IGSF10: variants seen among roughly 807,000 people sequenced by gnomAD.
IGSF10 encodes the protein immunoglobulin superfamily member 10, also known as calvaria mechanical force protein 608.
In IGSF10, 126 loss-of-function variants were observed where a neutral mutation model predicts 128.2. That is an observed-to-expected ratio of 0.98 (90% CI 0.85 to 1.14). IGSF10 has a LOEUF of 1.14. IGSF10 is among the 50% of genes most tolerant of loss of function. The pLI is 0.00. For missense variants in IGSF10, 3,295 were observed against 3,149.8 expected, an observed-to-expected ratio of 1.05 and a Z score of -1.10; for synonymous variants, 1,185 against 1,146.2, an observed-to-expected ratio of 1.03 and a Z score of -0.68.
the IGSF10 span, among the ~76,000 whole-genome samples, chr3:151,607,753 TA>T: frequency 9.3e-5 from 14 of 150,446 alleles, no homozygotes; most frequent in African/African-American, 3.2e-4. Flanking sequence ...CTACTAAAAA[TA>T]CAAAAAATTA....
At chr3:151,485,192 A>C in the IGSF10 span, among the ~76,000 whole-genome samples, 1 of 152,308 alleles carries the variant, frequency 6.6e-6, no homozygotes, top group South Asian at 2.1e-4. Flanking sequence ...AAGTGGAAGA[A>C]AGGATATCAG....
Position 151,436,440 on chromosome 3 carries a change from T to C in IGSF10, c.*249A>G. 1 of 357,844 alleles carries C rather than the reference T, an allele frequency of 2.8e-6. No homozygotes were observed. The highest frequency in any genetic ancestry group is 5.0e-6 in the Non-Finnish European group (1 of 198,756). The allele number at this position is 357,844 out of a possible 1,614,324, so 22.2% of individuals were successfully genotyped here. Reference sequence around the variant, plus strand: ...TATTTTATAGTGAACCGTTTCAATGTTTGTTTATTGTTATTTGTTGGCAAA... The same window carrying C: ...TATTTTATAGTGAACCGTTTCAATGCTTGTTTATTGTTATTTGTTGGCAAA... On this transcript the variant is annotated 3_prime_UTR_variant, in exon 8 of 8. Coordinates refer to ENST00000282466, the MANE Select transcript of IGSF10 (RefSeq NM_178822.5).
the IGSF10 span, among the ~76,000 whole-genome samples, chr3:151,558,595 C>A: frequency 2.0e-5 from 3 of 151,860 alleles, no homozygotes; most frequent in East Asian, 3.9e-4. Context: ...CTCACTGCAA[C>A]CTCAGCCTCC....
At chr3:151,495,909 A>G in the IGSF10 span, among the ~76,000 whole-genome samples, 1 of 152,100 alleles carries the variant, frequency 6.6e-6, no homozygotes, top group Non-Finnish European at 1.5e-5. Context: ...ATTTTCTTCT[A>G]CTGATATTAA....
the IGSF10 span, among the ~76,000 whole-genome samples, chr3:151,492,157 A>G: frequency 6.0e-4 from 91 of 152,346 alleles, no homozygotes; most frequent in Admixed American, 5.2e-4. Flanking sequence ...TTGTAACTCA[A>G]TAACAGAAAA....
chr3:151,516,141 G>A, the IGSF10 span, among the ~76,000 whole-genome samples: 1 of 151,890 alleles, frequency 6.6e-6, no homozygotes, highest in Non-Finnish European at 1.5e-5. Flanking sequence ...AGAACTTCAG[G>A]ACCTTGAACC....
chr3:151,551,387 C>A, the IGSF10 span, among the ~76,000 whole-genome samples: 1 of 152,064 alleles, frequency 6.6e-6, no homozygotes, highest in African/African-American at 2.4e-5. Flanking sequence ...GTCAGCCCTG[C>A]AGAATCTATG....
chr3:151,516,249 C>A, the IGSF10 span, among the ~76,000 whole-genome samples: 1 of 152,000 alleles, frequency 6.6e-6, no homozygotes, highest in African/African-American at 2.4e-5. Context: ...GGAAGTTTCT[C>A]CCTGGAAGAT....
the IGSF10 span, among the ~76,000 whole-genome samples, chr3:151,482,075 T>C: frequency 1.7e-4 from 26 of 152,062 alleles, no homozygotes; most frequent in South Asian, 6.2e-4. Flanking sequence ...ATCAATAAAA[T>C]TTGGAATAGC....
At chr3:151,541,158 A>T in the IGSF10 span, among the ~76,000 whole-genome samples, 2 of 152,196 alleles carry the variant, frequency 1.3e-5, no homozygotes, top group Non-Finnish European at 2.9e-5. Context: ...ATTACATCTG[A>T]TGTGATTAGC....
the IGSF10 span, among the ~76,000 whole-genome samples, chr3:151,526,856 T>C: frequency 6.6e-6 from 1 of 152,196 alleles, no homozygotes; most frequent in Non-Finnish European, 1.5e-5. Flanking sequence ...ATCAGGTGCT[T>C]GGGCAGAATG....
At chr3:151,518,141 G>A in the IGSF10 span, among the ~76,000 whole-genome samples, 1 of 151,984 alleles carries the variant, frequency 6.6e-6, no homozygotes, top group Non-Finnish European at 1.5e-5. Context: ...TCTGTACATT[G>A]TGAACTATAA....
At chr3:151,440,453 C>T in intron 7 of IGSF10, 1 of 402,430 alleles carries the variant, frequency 2.5e-6, no homozygotes, top group East Asian at 7.3e-5. Flanking sequence ...AAAGTAAAAT[C>T]AATACAAATA....
At chr3:151,435,684 A>C (rs1720079798), downstream of IGSF10, 1 of 152,066 alleles carries the variant, frequency 6.6e-6, no homozygotes. Flanking sequence ...GGAAAACCCC[A>C]CCCCTAGATT....
chr3:151,511,167 T>C, the IGSF10 span, among the ~76,000 whole-genome samples: 2,925 of 152,178 alleles, frequency 0.019, 69 homozygotes, highest in East Asian at 0.063. Context: ...AATTGTCAGA[T>C]TCACCAAAGT....
At chr3:151,461,438 C>CA (rs1722057511), upstream of IGSF10, 1 of 984,080 alleles carries the variant, frequency 1.0e-6, no homozygotes, top group African/African-American at 1.7e-5. Flanking sequence ...CCTGCAGTGT[C>CA]AATGTTTTAT....
the IGSF10 span, among the ~76,000 whole-genome samples, chr3:151,476,541 C>T: frequency 5.3e-5 from 8 of 152,170 alleles, no homozygotes; most frequent in African/African-American, 9.7e-5. Flanking sequence ...AGGTATCTTC[C>T]GGCCAGCTCT....
the IGSF10 span, among the ~76,000 whole-genome samples, chr3:151,468,539 G>A: frequency 6.6e-6 from 1 of 152,138 alleles, no homozygotes; most frequent in African/African-American, 2.4e-5. Context: ...TGGCATTGAC[G>A]GGGCTCCCAG....
At chr3:151,475,340 C>A in the IGSF10 span, among the ~76,000 whole-genome samples, 3 of 152,146 alleles carry the variant, frequency 2.0e-5, no homozygotes, top group African/African-American at 4.8e-5. Context: ...AAGTTTTGGT[C>A]AATCTCTCTA....
Sources: gnomAD v4.1 joint callset for allele counts (sites outside exome capture counted in the v4.1 genomes callset) on GRCh38, gnomAD v4.1.1 for gene constraint, MANE v1.5 for transcripts, NCBI Gene and HGNC (gene_info 2026-07-23, HGNC 2026-07-21) for gene names.